ATRNL1: variants seen among roughly 807,000 people sequenced by gnomAD.
ATRNL1 encodes the protein attractin-like protein 1.
Under a neutral mutation model 182.7 loss-of-function variants are expected in ATRNL1, and 95 were observed. That is an observed-to-expected ratio of 0.52 (90% CI 0.44 to 0.62). ATRNL1 has a LOEUF of 0.62. Among genes scored for constraint, ATRNL1 ranks in the 20% least tolerant of loss-of-function variants. The pLI is 0.00. For missense variants in ATRNL1, 1,471 were observed against 1,679.5 expected (o/e 0.88, Z 2.17); for synonymous variants, 576 against 568.3 (o/e 1.01, Z -0.19).
At chr10:115,827,269 G>C (rs1055583959) in intron 27 of ATRNL1, among the ~76,000 whole-genome samples, 3 of 152,180 alleles carry the variant, frequency 2.0e-5, no homozygotes, top group Non-Finnish European at 4.4e-5. Context: ...CATGAGGCAA[G>C]AGCCAAAGTA....
chr10:115,846,776 T>G (rs1455763100), intron 27 of ATRNL1, among the ~76,000 whole-genome samples: 1 of 152,134 alleles, frequency 6.6e-6, no homozygotes, highest in Non-Finnish European at 1.5e-5. Flanking sequence ...TATGCACACA[T>G]GTCATAAGCC....
At chr10:115,549,563 G>A in intron 26 of ATRNL1, 27 bp downstream of exon 26, 1 of 1,494,662 alleles carries the variant, frequency 6.7e-7, no homozygotes, top group Non-Finnish European at 9.1e-7. Flanking sequence ...TTAATCTTTT[G>A]TTTAAAGATT....
chr10:115,468,913 T>C (rs907870309), intron 23 of ATRNL1, among the ~76,000 whole-genome samples: 1 of 150,638 alleles, frequency 6.6e-6, no homozygotes, highest in East Asian at 1.9e-4. Context: ...ATATTATTGG[T>C]TTTAAAAAAG....
At chr10:115,120,077 G>A in intron 1 of ATRNL1, 108 bp from the exon 2 acceptor site, 1 of 643,636 alleles carries the variant, frequency 1.6e-6, no homozygotes, top group Non-Finnish European at 2.7e-6. Context: ...TTTGAAAATT[G>A]TTATGTCCCG....
chr10:115,129,247 A>C, intron 4 of ATRNL1, 80 bp from the exon 5 acceptor site: 1 of 1,028,768 alleles, frequency 9.7e-7, no homozygotes, highest in Non-Finnish European at 1.5e-6. Flanking sequence ...CAGTATAAAA[A>C]TTATAAAGTT....
At chr10:115,782,616 A>ATCT (rs1555079559) in intron 27 of ATRNL1, among the ~76,000 whole-genome samples, 1 of 152,144 alleles carries the variant, frequency 6.6e-6, no homozygotes, top group East Asian at 1.9e-4. Context: ...AAAAGAGAAA[A>ATCT]GGGCTGAGAA....
At chr10:115,318,612 TTGGGA>T (rs1339341532) in intron 18 of ATRNL1, among the ~76,000 whole-genome samples, 3 of 152,160 alleles carry the variant, frequency 2.0e-5, no homozygotes, top group African/African-American at 4.8e-5. Context: ...TGGTTTAGTC[TTGGGA>T]GGGTGTGTGT....
At chr10:115,802,352 A>G (rs1033675132) in intron 27 of ATRNL1, among the ~76,000 whole-genome samples, 3 of 152,136 alleles carry the variant, frequency 2.0e-5, no homozygotes, top group Non-Finnish European at 4.4e-5. Context: ...AAGTTTCTCC[A>G]CTCTATCATA....
At chr10:115,234,676 C>A (rs1850101293) in intron 9 of ATRNL1, among the ~76,000 whole-genome samples, 1 of 150,578 alleles carries the variant, frequency 6.6e-6, no homozygotes, top group South Asian at 2.1e-4. Flanking sequence ...CTGCAACCTC[C>A]ACTTCCCAGG....
In ATRNL1 at chr10:115,905,243, C is replaced by T. The variant is rs143828117; in HGVS notation, c.4019-39415C>T. Among the ~76,000 whole-genome samples the T allele has an allele frequency of 5.3e-3, 804 of 152,140 alleles. 8 individuals are homozygous for T. Among genetic ancestry groups the T allele is most frequent in the Admixed American group, 0.019 (286 of 15,284 alleles). On this transcript the variant is annotated intron_variant, in intron 28 of 28. Transcript: ENST00000355044. ...TTTTAGTCTTTTTTTCCTTTGAAGA[C>T]AGGGTCCTACTCTGTCACCCAGGAT...
At chr10:115,116,819 G>A (rs1263521105) in intron 1 of ATRNL1, among the ~76,000 whole-genome samples, 1 of 151,968 alleles carries the variant, frequency 6.6e-6, no homozygotes, top group Admixed American at 6.6e-5. Flanking sequence ...GTGGGCTCTT[G>A]GTAAGATCTT....
At chr10:115,800,963 C>T (rs782240936) in intron 27 of ATRNL1, among the ~76,000 whole-genome samples, 15 of 152,190 alleles carry the variant, frequency 9.9e-5, no homozygotes, top group Non-Finnish European at 2.1e-4. Flanking sequence ...TTGTTATTCT[C>T]TAAGGAAAAT....
At chr10:115,374,103 A>G (rs918322795) in intron 19 of ATRNL1, among the ~76,000 whole-genome samples, 6 of 151,492 alleles carry the variant, frequency 4.0e-5, no homozygotes, top group African/African-American at 1.5e-4. Context: ...GGTAGATTGT[A>G]TGTTTCTAGA....
intron 26 of ATRNL1, among the ~76,000 whole-genome samples, chr10:115,581,692 G>A (rs12765024): frequency 0.48 from 73,413 of 151,724 alleles, 18,482 homozygotes; most frequent in Middle Eastern, 0.56. Context: ...AGGTAAACAG[G>A]TCTTCCATTC....
intron 9 of ATRNL1, among the ~76,000 whole-genome samples, chr10:115,237,009 T>C (rs1850215899): frequency 6.6e-6 from 1 of 152,222 alleles, no homozygotes; most frequent in Non-Finnish European, 1.5e-5. Flanking sequence ...GTATGTAGCC[T>C]TTTAATTTTG....
chr10:115,468,585 G>A (rs1447711091), intron 23 of ATRNL1, among the ~76,000 whole-genome samples: 1 of 144,534 alleles, frequency 6.9e-6, no homozygotes, highest in African/African-American at 2.5e-5. Flanking sequence ...AGCACTCTAT[G>A]TGTTTAACCA....
chr10:115,868,429 C>G (rs1401427253), intron 28 of ATRNL1, among the ~76,000 whole-genome samples: 1 of 152,132 alleles, frequency 6.6e-6, no homozygotes, highest in Non-Finnish European at 1.5e-5. Context: ...CACTCATTAC[C>G]CTAAGAGTTA....
At chr10:115,362,603 C>G in intron 19 of ATRNL1, among the ~76,000 whole-genome samples, 1 of 151,452 alleles carries the variant, frequency 6.6e-6, no homozygotes, top group East Asian at 1.9e-4. Flanking sequence ...ATGTGCCATG[C>G]TGGTGTGCTG....
intron 27 of ATRNL1, among the ~76,000 whole-genome samples, chr10:115,807,906 A>T (rs1458370977): frequency 6.6e-6 from 1 of 152,150 alleles, no homozygotes; most frequent in Admixed American, 6.5e-5. Context: ...GGACTGCCTT[A>T]TAAAAGTCGG....
Sources: allele counts gnomAD v4.1 joint callset (sites outside exome capture counted in the v4.1 genomes callset), GRCh38; gene constraint gnomAD v4.1.1; transcripts MANE v1.5; gene names NCBI Gene and HGNC (gene_info 2026-07-23, HGNC 2026-07-21).